IGSF11: variants seen among roughly 807,000 people sequenced by gnomAD.
IGSF11 encodes immunoglobulin superfamily member 11, also known as CXADR like 1.
IGSF11 carries 22 observed loss-of-function variants against 41.0 expected under a neutral mutation model. The observed-to-expected ratio is 0.54, with a 90% CI of 0.38 to 0.77. IGSF11 has a LOEUF of 0.77. Among genes scored for constraint, IGSF11 ranks in the 30% least tolerant of loss-of-function variants. IGSF11 has a pLI of 0.00. For synonymous variants in IGSF11, 219 were observed against 201.3 expected (o/e 1.09, Z -0.74); for missense variants, 444 against 530.8 (o/e 0.84, Z 1.61).
Position 118,967,444 on chromosome 3 carries a change from T to C in IGSF11, c.53-37169A>G, listed in dbSNP as rs1945759680. On this transcript the variant is annotated intron_variant, in intron 1 of 6. Transcript: ENST00000393775. ...AAAATATTTCACTTTCCACAGCTAT[T>C]TGCCAATTGAGAGCCCAAGACGCGT... is the stretch of plus-strand genomic sequence containing the variant. 3.3e-5 allele frequency among the ~76,000 whole-genome samples: 5 copies of C among 152,268 alleles called. No homozygotes were observed. In the South Asian group the frequency reaches 1.0e-3, roughly 32 times the overall value.
intron 1 of IGSF11, among the ~76,000 whole-genome samples, chr3:119,025,135 A>G (rs747257233): frequency 6.6e-6 from 1 of 152,070 alleles, no homozygotes; most frequent in Non-Finnish European, 1.5e-5. Flanking sequence ...TGGGAGGGGG[A>G]GAGAGAGAGG....
chr3:119,059,846 A>G (rs1941997547), intron 1 of IGSF11, among the ~76,000 whole-genome samples: 1 of 152,202 alleles, frequency 6.6e-6, no homozygotes, highest in Admixed American at 6.5e-5. Context: ...GGAGAGCCTC[A>G]TATTTGGAAT....
At chr3:118,996,003 C>G (rs1936238413) in intron 1 of IGSF11, among the ~76,000 whole-genome samples, 1 of 152,028 alleles carries the variant, frequency 6.6e-6, no homozygotes, top group African/African-American at 2.4e-5. Flanking sequence ...AAGCTGCTCT[C>G]AAACTCCTGA....
chr3:118,903,625 G>A (rs563148437), intron 6 of IGSF11, among the ~76,000 whole-genome samples: 8 of 152,194 alleles, frequency 5.3e-5, no homozygotes, highest in African/African-American at 1.9e-4. Context: ...TGGCCCAAAC[G>A]CTTAAGAATT....
chr3:118,924,815 C>G (rs929645120), intron 4 of IGSF11, among the ~76,000 whole-genome samples: 1 of 151,928 alleles, frequency 6.6e-6, no homozygotes, highest in Non-Finnish European at 1.5e-5. Flanking sequence ...CACAGAGGAC[C>G]TTGAGGATGA....
intron 1 of IGSF11, among the ~76,000 whole-genome samples, chr3:119,030,399 T>C (rs1034262176): frequency 2.0e-5 from 3 of 152,206 alleles, no homozygotes; most frequent in Non-Finnish European, 4.4e-5. Flanking sequence ...CTGAGTCTAT[T>C]ATTTGCAAAT....
chr3:119,000,358 T>C (rs1163535032), intron 1 of IGSF11, among the ~76,000 whole-genome samples: 1 of 150,794 alleles, frequency 6.6e-6, no homozygotes, highest in African/African-American at 2.5e-5. Flanking sequence ...TCCAGTCATA[T>C]TTCCAACTGC....
intron 1 of IGSF11, among the ~76,000 whole-genome samples, chr3:119,044,353 C>A (rs1941235545): frequency 6.6e-6 from 1 of 151,712 alleles, no homozygotes; most frequent in African/African-American, 2.4e-5. Context: ...CCCAATCAGA[C>A]AAGGGTAAAG....
intron 1 of IGSF11, among the ~76,000 whole-genome samples, chr3:118,991,853 T>C (rs749191082): frequency 7.2e-5 from 11 of 152,220 alleles, no homozygotes; most frequent in South Asian, 4.1e-4. Flanking sequence ...CTGGAAAAGA[T>C]AGAGAACAGA....
chr3:119,145,039 A>G (rs950636526), intron 1 of IGSF11, among the ~76,000 whole-genome samples: 25 of 152,312 alleles, frequency 1.6e-4, no homozygotes, highest in African/African-American at 6.0e-4. Flanking sequence ...TTCAACAAGC[A>G]CTTCTTGAGC....
intron 1 of IGSF11, among the ~76,000 whole-genome samples, chr3:119,114,083 C>G (rs1321448582): frequency 6.6e-6 from 1 of 152,158 alleles, no homozygotes; most frequent in Non-Finnish European, 1.5e-5. Flanking sequence ...GGCCCTGGGC[C>G]CAGCCCATGG....
intron 1 of IGSF11, among the ~76,000 whole-genome samples, chr3:119,020,273 T>C (rs1294858658): frequency 1.3e-5 from 2 of 152,184 alleles, no homozygotes; most frequent in Non-Finnish European, 2.9e-5. Context: ...CAGACACTAC[T>C]AGGTCTCTCA....
intron 1 of IGSF11, among the ~76,000 whole-genome samples, chr3:118,995,445 A>T (rs112418225): frequency 2.0e-5 from 3 of 152,202 alleles, no homozygotes; most frequent in Non-Finnish European, 4.4e-5. Context: ...AGAGGTATTA[A>T]TAATAACGGA....
chr3:118,974,476 G>A (rs541026133), intron 1 of IGSF11, among the ~76,000 whole-genome samples: 40 of 152,336 alleles, frequency 2.6e-4, no homozygotes, highest in African/African-American at 8.9e-4. Context: ...ACAGTCAGAT[G>A]TTACGAGAAG....
At chr3:119,117,242 T>G (rs541050930) in intron 1 of IGSF11, among the ~76,000 whole-genome samples, 3 of 149,280 alleles carry the variant, frequency 2.0e-5, no homozygotes, top group Admixed American at 2.0e-4. Context: ...GGGGAGGGGG[T>G]TGTATTAGTC....
chr3:119,061,549 G>T (rs1942052060), intron 1 of IGSF11, among the ~76,000 whole-genome samples: 1 of 152,134 alleles, frequency 6.6e-6, no homozygotes, highest in Non-Finnish European at 1.5e-5. Flanking sequence ...GAAGTTCCTG[G>T]CATGATCAAT....
At chr3:119,036,029 T>TAAAA (rs1215643547), upstream of IGSF11, among the ~76,000 whole-genome samples, 1 of 152,226 alleles carries the variant, frequency 6.6e-6, no homozygotes, top group Non-Finnish European at 1.5e-5. Context: ...TATGTAAAAT[T>TAAAA]AAAATATCAA....
rs59418588 is a variant in IGSF11 at position 118,933,470 on chromosome 3, T to TATATATATA, written c.53-3196_53-3195insTATATATAT. On this transcript the variant is annotated intron_variant, in intron 1 of 6. Transcript: ENST00000393775. ...TCTCTCTACATATAACATGTATTTT[T>TATATATATA]TATATATATATATATATATACACAC... Among the ~76,000 whole-genome samples the TATATATATA allele has an allele frequency of 2.3e-4, 33 of 146,170 alleles. 1 individual carries two copies. The highest frequency in any genetic ancestry group is 7.1e-4 in the African/African-American group (28 of 39,204).
At chr3:118,935,693 T>C (rs934143281) in intron 1 of IGSF11, among the ~76,000 whole-genome samples, 13 of 151,978 alleles carry the variant, frequency 8.6e-5, no homozygotes, top group African/African-American at 3.1e-4. Flanking sequence ...TGAAAGCTGG[T>C]GCAGGGTCTT....
Sources: gnomAD v4.1 joint callset for allele counts (sites outside exome capture counted in the v4.1 genomes callset) on GRCh38, gnomAD v4.1.1 for gene constraint, MANE v1.5 for transcripts, NCBI Gene and HGNC (gene_info 2026-07-23, HGNC 2026-07-21) for gene names.